SNAPC3: variants seen among roughly 807,000 people sequenced by gnomAD.
SNAPC3 encodes small nuclear RNA activating complex polypeptide 3, also known as snRNA-activating protein complex subunit 3.
A neutral mutation model predicts 47.7 loss-of-function variants in SNAPC3; 56 were observed. The ratio of observed to expected loss-of-function variants is 1.18; its 90% CI spans 0.95 to 1.47. The LOEUF is 1.47. SNAPC3 is among the 40% of genes most tolerant of loss of function. The pLI, the probability that SNAPC3 is intolerant of heterozygous loss-of-function variation, is 0.00. For missense variants in SNAPC3, 665 were observed against 511.3 expected (o/e 1.30, Z -2.90); for synonymous variants, 235 against 189.9 (o/e 1.24, Z -1.95).
intron 3 of SNAPC3, among the ~76,000 whole-genome samples, chr9:15,442,842 C>A (rs1014726134): frequency 1.4e-4 from 22 of 152,144 alleles, no homozygotes; most frequent in Admixed American, 1.4e-3. Flanking sequence ...GAGGTTGTAG[C>A]AAGCCGAGAT....
At chr9:15,457,008 G>T (rs2034847669) in intron 7 of SNAPC3, among the ~76,000 whole-genome samples, 3 of 152,154 alleles carry the variant, frequency 2.0e-5, no homozygotes, top group Admixed American at 1.3e-4. Context: ...TCATCTTTCA[G>T]AAGAATCTGA....
At chr9:15,452,540 A>G (rs1471436504) in intron 6 of SNAPC3, among the ~76,000 whole-genome samples, 1 of 151,608 alleles carries the variant, frequency 6.6e-6, no homozygotes, top group Non-Finnish European at 1.5e-5. Context: ...CTGGAGTCGA[A>G]CTCTGGACCT....
At chr9:15,456,496 G>A (rs2034805249) in intron 7 of SNAPC3, among the ~76,000 whole-genome samples, 1 of 151,592 alleles carries the variant, frequency 6.6e-6, no homozygotes, top group Admixed American at 6.6e-5. Flanking sequence ...GAGAGGGGAT[G>A]TCACTCTGTT....
At position 15,451,533 on chromosome 9, in the gene SNAPC3, C is replaced by T. The variant is rs2034385819; in HGVS notation, c.815+131C>T. The stretch of plus-strand genomic sequence containing the variant: ...AATTATTGATAAATCTTGTCTTTTG[C>T]ATTACATACATCCAAAAAAAATTAG... On this transcript the variant is annotated intron_variant, in intron 6 of 8. Coordinates refer to ENST00000380821, the MANE Select transcript of SNAPC3 (RefSeq NM_001039697.2). 4 of 446,550 alleles carry T rather than the reference C, an allele frequency of 9.0e-6. No individual in the cohort carries two copies. The Admixed American group carries it at 1.6e-4, about 18-fold the overall frequency. 27.7% of individuals were successfully genotyped at this position (446,550 alleles called of 1,614,324 possible). A position where few individuals can be genotyped will look rare whatever the true frequency, so the allele number is the denominator to read the frequency against.
chr9:15,443,511 C>G (rs2033679866), intron 3 of SNAPC3, among the ~76,000 whole-genome samples: 1 of 152,162 alleles, frequency 6.6e-6, no homozygotes, highest in South Asian at 2.1e-4. Flanking sequence ...TACGTGGTCA[C>G]TGATGTTTCT....
chr9:15,459,649 C>G, intron 8 of SNAPC3, 70 bp from the exon 9 acceptor site: 2 of 1,173,968 alleles, frequency 1.7e-6, no homozygotes, highest in Non-Finnish European at 2.5e-6. Context: ...CATATTGCTA[C>G]AGGTCATAAA....
intron 3 of SNAPC3, among the ~76,000 whole-genome samples, chr9:15,440,826 G>A (rs946204348): frequency 6.6e-6 from 1 of 151,934 alleles, no homozygotes; most frequent in African/African-American, 2.4e-5. Flanking sequence ...GCGAGTGTCT[G>A]TAGTCCCAGC....
chr9:15,441,378 C>CTTTTTTTTTTTTTTT (rs1351664407), intron 3 of SNAPC3, among the ~76,000 whole-genome samples: 2 of 40,506 alleles, frequency 4.9e-5, no homozygotes, highest in African/African-American at 1.5e-4. Flanking sequence ...CAAGAGTTCC[C>CTTTTTTTTTTTTTTT]TTTTCTTTTT....
chr9:15,426,645 A>G (rs76667272), intron 2 of SNAPC3, among the ~76,000 whole-genome samples: 81 of 152,278 alleles, frequency 5.3e-4, no homozygotes, highest in African/African-American at 1.8e-3. Context: ...CTTTTTTGCT[A>G]TAGTTAATAA....
At chr9:15,465,256 T>A (rs2035538796), downstream of SNAPC3, 1 of 392,178 alleles carries the variant, frequency 2.5e-6, no homozygotes, top group Middle Eastern at 6.6e-4. Context: ...ATTGAAAATA[T>A]GCTACAACCA....
intron 2 of SNAPC3, among the ~76,000 whole-genome samples, chr9:15,430,925 C>T (rs568101384): frequency 6.6e-6 from 1 of 152,268 alleles, no homozygotes; most frequent in South Asian, 2.1e-4. Context: ...CTCTCATCTT[C>T]AAATTTACCT....
chr9:15,437,624 T>TG (rs940989909), intron 3 of SNAPC3, among the ~76,000 whole-genome samples: 3 of 146,630 alleles, frequency 2.0e-5, no homozygotes, highest in African/African-American at 7.6e-5. Flanking sequence ...GATCTGTTGT[T>TG]TTTTTTTTTT....
chr9:15,423,737 A>G (rs2030925669), intron 1 of SNAPC3, among the ~76,000 whole-genome samples, 172 bp from the exon 2 acceptor site: 1 of 152,224 alleles, frequency 6.6e-6, no homozygotes, highest in Non-Finnish European at 1.5e-5. Flanking sequence ...CGGCCTTTTC[A>G]TTATAAAATA....
At chr9:15,464,029 C>T (rs889765204), downstream of SNAPC3, 3 of 173,798 alleles carry the variant, frequency 1.7e-5, no homozygotes, top group Admixed American at 1.9e-4. Flanking sequence ...CCATCACTTA[C>T]TCTTGTAAAT....
At chr9:15,444,751 T>C in intron 4 of SNAPC3, 45 bp downstream of exon 4, 1 of 1,014,062 alleles carries the variant, frequency 9.9e-7, no homozygotes, top group Non-Finnish European at 1.5e-6. Flanking sequence ...TAGTAACTTT[T>C]GTAAAAGTGT....
intron 3 of SNAPC3, among the ~76,000 whole-genome samples, chr9:15,437,364 C>G (rs1404959431): frequency 6.6e-6 from 1 of 152,062 alleles, no homozygotes; most frequent in African/African-American, 2.4e-5. Context: ...TCCTGAGTAG[C>G]TGGGACTACA....
chr9:15,461,660 AT>A, downstream of SNAPC3: 1 of 152,344 alleles, frequency 6.6e-6, no homozygotes, highest in Non-Finnish European at 1.5e-5. Flanking sequence ...GAATATCTGG[AT>A]GGCTAAGAAC....
intron 7 of SNAPC3, among the ~76,000 whole-genome samples, chr9:15,456,629 G>A (rs2034819318): frequency 1.3e-5 from 2 of 151,986 alleles, no homozygotes; most frequent in Admixed American, 6.6e-5. Flanking sequence ...CACCATGCCT[G>A]GCCAATTTTT....
chr9:15,458,368 A>AGAATACATTCAAGAAAAG (rs1401534179), intron 8 of SNAPC3, among the ~76,000 whole-genome samples: 1 of 152,242 alleles, frequency 6.6e-6, no homozygotes, highest in Non-Finnish European at 1.5e-5. Flanking sequence ...ATTCTCTGAT[A>AGAATACATTCAAGAAAAG]GAATACATTC....
Sources: gnomAD v4.1 joint callset for allele counts (sites outside exome capture counted in the v4.1 genomes callset) on GRCh38, gnomAD v4.1.1 for gene constraint, MANE v1.5 for transcripts, NCBI Gene and HGNC (gene_info 2026-07-23, HGNC 2026-07-21) for gene names.